Variants in LCORL observed in about 807,000 individuals in gnomAD.
LCORL encodes the protein ligand-dependent nuclear receptor corepressor-like protein.
A neutral mutation model predicts 141.8 loss-of-function variants in LCORL; 41 were observed. The observed-to-expected ratio is 0.29, with a 90% CI of 0.23 to 0.38. The LOEUF (loss-of-function observed/expected upper bound fraction) is 0.38, where lower values mean the gene tolerates loss of function less well. Ranked by LOEUF, LCORL falls within the 10% of genes least tolerant of loss-of-function variation. The pLI is 1.00. For missense variants in LCORL, 1,759 were observed against 2,035.0 expected (o/e 0.86, Z 2.61); for synonymous variants, 618 against 694.1 (o/e 0.89, Z 1.72).
intron 6 of LCORL, chr4:17,882,445 T>A: frequency 1.0e-6 from 1 of 984,696 alleles, no homozygotes; most frequent in Non-Finnish European, 1.2e-6. Context: ...TTGACCCATA[T>A]TTTAAAACTG....
At chr4:17,857,193 G>T (rs921829519) in intron 7 of LCORL, among the ~76,000 whole-genome samples, 7 of 152,070 alleles carry the variant, frequency 4.6e-5, no homozygotes, top group African/African-American at 1.7e-4. Context: ...CTGAGTTGGG[G>T]AGACAGTGAC....
chr4:17,846,020 G>T, intron 7 of LCORL, 119 bp from the exon 8 acceptor site: 2 of 749,514 alleles, frequency 2.7e-6, no homozygotes, highest in Non-Finnish European at 4.4e-6. Context: ...CATACATAAA[G>T]CATTTATCCT....
At chr4:17,882,582 A>G in intron 6 of LCORL, 1 of 984,800 alleles carries the variant, frequency 1.0e-6, no homozygotes, top group Non-Finnish European at 1.2e-6. Flanking sequence ...AGTGTTAAAT[A>G]TTTGTAAATC....
At chr4:18,009,510 C>T (rs913219668) in intron 1 of LCORL, among the ~76,000 whole-genome samples, 1 of 152,070 alleles carries the variant, frequency 6.6e-6, no homozygotes, top group African/African-American at 2.4e-5. Context: ...AGAGGCCTTC[C>T]TCCCTTTACC....
exon 7 of LCORL, chr4:17,877,287 T>C (rs2109188201): frequency 8.1e-7 from 1 of 1,230,060 alleles, no homozygotes; most frequent in Middle Eastern, 3.1e-4. Context: ...TGTTATGAAA[T>C]CTCCCAATTT....
At chr4:17,875,934 T>C in exon 7 of LCORL, 1 of 1,231,286 alleles carries the variant, frequency 8.1e-7, no homozygotes, top group African/African-American at 1.6e-5. Context: ...ACTGGAGTGA[T>C]AATTTTCAGA....
intron 4 of LCORL, among the ~76,000 whole-genome samples, chr4:17,931,552 T>C (rs1016493942): frequency 2.0e-5 from 3 of 152,092 alleles, no homozygotes; most frequent in African/African-American, 7.2e-5. Context: ...TTCTGCAACT[T>C]TGCTTTCTTC....
chr4:17,892,071 T>C (rs1208403875), intron 5 of LCORL, among the ~76,000 whole-genome samples: 1 of 152,160 alleles, frequency 6.6e-6, no homozygotes, highest in East Asian at 1.9e-4. Flanking sequence ...GCAAATAAAA[T>C]TGTTTTGATT....
intron 1 of LCORL, among the ~76,000 whole-genome samples, chr4:18,004,251 A>G (rs1722434192): frequency 6.6e-6 from 1 of 152,246 alleles, no homozygotes; most frequent in East Asian, 1.9e-4. Context: ...CATATTATTC[A>G]TATATGGATT....
intron 5 of LCORL, among the ~76,000 whole-genome samples, chr4:17,891,395 T>C (rs997685946): frequency 2.6e-5 from 4 of 152,096 alleles, no homozygotes; most frequent in Non-Finnish European, 4.4e-5. Context: ...TCAAAAATCT[T>C]AAAAATGTTT....
chr4:17,882,029 T>C, intron 6 of LCORL: 1 of 982,768 alleles, frequency 1.0e-6, no homozygotes, highest in South Asian at 4.7e-5. Flanking sequence ...GTAACATTAA[T>C]AGCTGAAGAG....
intron 1 of LCORL, among the ~76,000 whole-genome samples, chr4:17,990,059 T>C (rs1455975798): frequency 1.3e-5 from 2 of 151,632 alleles, no homozygotes; most frequent in Admixed American, 1.3e-4. Flanking sequence ...TCCCACTTCG[T>C]CTTCTACCAC....
At position 17,921,102 on chromosome 4, in the gene LCORL, C is replaced by T. The variant is rs547571158; in HGVS notation, c.431-11757G>A. Among the ~76,000 whole-genome samples the T allele has an allele frequency of 4.6e-5, 7 of 152,302 alleles. No individual in the cohort carries two copies. In the South Asian group the frequency reaches 1.2e-3, roughly 27 times the overall value. On this transcript the variant is annotated intron_variant, in intron 4 of 7. Coordinates refer to ENST00000635767, the Ensembl canonical transcript of LCORL. ...GCAGTGGCGCAATCTCGGCTCACTG[C>T]AACCTCCACCTCCTGGGTTCAAACG...
chr4:17,903,420 G>T (rs942538975), intron 5 of LCORL, among the ~76,000 whole-genome samples: 1 of 151,902 alleles, frequency 6.6e-6, no homozygotes, highest in African/African-American at 2.4e-5. Flanking sequence ...AATGATAAAG[G>T]TCTCTAAGTT....
chr4:17,950,346 A>G (rs1223613135), intron 4 of LCORL, among the ~76,000 whole-genome samples: 1 of 152,156 alleles, frequency 6.6e-6, no homozygotes, highest in Non-Finnish European at 1.5e-5. Flanking sequence ...TCTGGTTAAC[A>G]TTATTTCTGA....
At position 18,021,231 on chromosome 4, in the gene LCORL, C is replaced by T. The variant is rs1174459048; in HGVS notation, c.154+367G>A. On this transcript the variant is annotated intron_variant, in intron 1 of 7. Transcript: ENST00000635767. The surrounding 1 kb of genome is among the most constrained non-coding windows in gnomAD (Gnocchi z 5.5). ...GGCTCTCCTCCGCCAGGGCGCCGAC[C>T]CACCGGGCCGCTTCCTCCGTCCTGT... 6.6e-6 allele frequency among the ~76,000 whole-genome samples: 1 copy of T among 152,124 alleles called. No individual in the cohort carries two copies. The highest frequency in any genetic ancestry group is 1.5e-5 in the Non-Finnish European group (1 of 67,998).
intron 4 of LCORL, among the ~76,000 whole-genome samples, chr4:17,919,612 T>C (rs2109366054): frequency 6.6e-6 from 1 of 152,328 alleles, no homozygotes; most frequent in South Asian, 2.1e-4. Flanking sequence ...AATAGCACTA[T>C]GTCTAAAGAA....
At chr4:17,970,659 G>A (rs549850611) in intron 2 of LCORL, among the ~76,000 whole-genome samples, 4 of 152,258 alleles carry the variant, frequency 2.6e-5, no homozygotes, top group African/African-American at 9.6e-5. Flanking sequence ...CGAATACAAG[G>A]TTTAATGCCA....
intron 5 of LCORL, among the ~76,000 whole-genome samples, chr4:17,897,213 C>CCTTTTTTTT (rs1553863446): frequency 0.013 from 819 of 63,986 alleles, 386 homozygotes; most frequent in Middle Eastern, 0.059. Context: ...ATACTGATTT[C>CCTTTTTTTT]TTTTTTTTTT....
Sources: allele counts gnomAD v4.1 joint callset (sites outside exome capture counted in the v4.1 genomes callset), GRCh38; gene constraint gnomAD v4.1.1; non-coding constraint Gnocchi (gnomAD v3.1); transcripts MANE v1.5; gene names NCBI Gene and HGNC (gene_info 2026-07-23, HGNC 2026-07-21).